TENM4: variants seen among roughly 807,000 people sequenced by gnomAD.
The protein encoded by TENM4 is teneurin-4.
TENM4 carries 82 observed loss-of-function variants against 243.3 expected under a neutral mutation model. The ratio of observed to expected loss-of-function variants is 0.34; its 90% CI spans 0.28 to 0.40. The LOEUF is 0.40. TENM4 is among the 10% of genes least tolerant of loss of function. The pLI is 1.00. For missense variants in TENM4, 3,138 were observed against 3,673.3 expected, an observed-to-expected ratio of 0.85 and a Z score of 3.77; for synonymous variants, 1,412 against 1,456.3, an observed-to-expected ratio of 0.97 and a Z score of 0.69.
At chr11:78,818,655 G>A (rs547573907) in intron 12 of TENM4, among the ~76,000 whole-genome samples, 2 of 152,324 alleles carry the variant, frequency 1.3e-5, no homozygotes, top group East Asian at 1.9e-4. Context: ...AGGTATCTCT[G>A]TGCTACATTC....
intron 1 of TENM4, among the ~76,000 whole-genome samples, chr11:79,378,204 T>A (rs1309438706): frequency 6.6e-6 from 1 of 152,250 alleles, no homozygotes; most frequent in Non-Finnish European, 1.5e-5. Flanking sequence ...ATAGGAAATC[T>A]TGTGCATGCC....
intron 15 of TENM4, among the ~76,000 whole-genome samples, chr11:78,799,014 C>T (rs1272965528): frequency 6.6e-6 from 1 of 152,108 alleles, no homozygotes; most frequent in Non-Finnish European, 1.5e-5. Context: ...GCCCAGCACA[C>T]AGGATAGGCC....
chr11:79,071,948 A>G (rs531602732), intron 4 of TENM4, among the ~76,000 whole-genome samples: 7 of 152,144 alleles, frequency 4.6e-5, no homozygotes, highest in African/African-American at 1.4e-4. Flanking sequence ...CGATTCTCAA[A>G]ATATCCCTGG....
intron 17 of TENM4, among the ~76,000 whole-genome samples, chr11:78,773,015 T>C (rs1390828139): frequency 6.6e-6 from 1 of 152,240 alleles, no homozygotes; most frequent in Non-Finnish European, 1.5e-5. Context: ...CAATCTGACT[T>C]GGTTGCCAAC....
At chr11:79,356,246 G>A (rs1432488114) in intron 1 of TENM4, among the ~76,000 whole-genome samples, 6 of 152,178 alleles carry the variant, frequency 3.9e-5, no homozygotes, top group Non-Finnish European at 1.5e-5. Flanking sequence ...GGTCAAGAGG[G>A]GAGCCCTGGA....
At chr11:79,300,598 C>T (rs1440856171) in intron 1 of TENM4, among the ~76,000 whole-genome samples, 1 of 152,202 alleles carries the variant, frequency 6.6e-6, no homozygotes, top group Non-Finnish European at 1.5e-5. Flanking sequence ...CTCTCACTCC[C>T]ATAAATATTA....
At chr11:79,359,867 C>T (rs1332994782) in intron 1 of TENM4, among the ~76,000 whole-genome samples, 5 of 152,076 alleles carry the variant, frequency 3.3e-5, no homozygotes, top group African/African-American at 9.7e-5. Flanking sequence ...CAGGGATGCT[C>T]AGGACCCGAA....
At chr11:78,900,862 T>C (rs1199878501) in intron 7 of TENM4, among the ~76,000 whole-genome samples, 1 of 152,210 alleles carries the variant, frequency 6.6e-6, no homozygotes. Flanking sequence ...CTTGTTAGTT[T>C]TGTGCCTTCA....
intron 6 of TENM4, among the ~76,000 whole-genome samples, chr11:78,953,635 T>A (rs1408913501): frequency 1.3e-5 from 2 of 152,176 alleles, no homozygotes; most frequent in Admixed American, 6.5e-5. Flanking sequence ...AAATACAATA[T>A]AACAACTATT....
chr11:79,359,230 C>T (rs183781346), intron 1 of TENM4, among the ~76,000 whole-genome samples: 4 of 152,306 alleles, frequency 2.6e-5, no homozygotes, highest in Admixed American at 1.3e-4. Context: ...TGCACCACTG[C>T]ACTCCAGCCT....
At chr11:78,981,970 T>C (rs1372758000) in intron 6 of TENM4, among the ~76,000 whole-genome samples, 2 of 152,172 alleles carry the variant, frequency 1.3e-5, no homozygotes, top group African/African-American at 4.8e-5. Context: ...GCCCCGTGTC[T>C]GTCCCCAGGT....
Position 78,669,876 on chromosome 11 carries a change from C to T in TENM4, c.6469G>A (p.Glu2157Lys). The T allele has an allele frequency of 6.2e-7, 1 of 1,613,820 alleles. No homozygotes were observed. Among genetic ancestry groups the T allele is most frequent in the Non-Finnish European group, 8.5e-7 (1 of 1,179,804 alleles). Residue 2157 changes from glutamate (E) to lysine (K), a missense_variant, in exon 32 of 34, where the codon GAG becomes AAG. Around this residue, in one of 2 missense-constraint regions of TENM4, gnomAD observed 2,467 missense variants for 3,059.1 expected, o/e 0.81. Coordinates refer to ENST00000278550, the MANE Select transcript of TENM4 (RefSeq NM_001098816.3). This position sits in a 1 kb window ranked among gnomAD's most constrained non-coding sequence, Gnocchi z 6.4. ...AYGRMKEVQY[E>K]IFRSLMYWMT... ...CAGTACATGAGCGAGCGGAAGATCTCATACTGCACTTCCTTCATCCTGCCA... is the reference window on the plus strand; with the variant it reads ...CAGTACATGAGCGAGCGGAAGATCTTATACTGCACTTCCTTCATCCTGCCA...
intron 1 of TENM4, among the ~76,000 whole-genome samples, chr11:79,366,743 T>C (rs986546312): frequency 6.6e-6 from 1 of 152,204 alleles, no homozygotes; most frequent in African/African-American, 2.4e-5. Context: ...ACTATATTCT[T>C]TCTTGTGTTT....
chr11:78,835,917 C>T (rs1247379826), intron 12 of TENM4, among the ~76,000 whole-genome samples: 2 of 152,202 alleles, frequency 1.3e-5, no homozygotes, highest in South Asian at 2.1e-4. Context: ...CACAGCCTGA[C>T]CAGAGTGCAA....
intron 15 of TENM4, 77 bp downstream of exon 15, chr11:78,805,215 A>C: frequency 3.2e-6 from 2 of 633,328 alleles, no homozygotes; most frequent in Non-Finnish European, 4.3e-6. Context: ...GTGATTGGGA[A>C]CAGTCACGTG....
At chr11:79,087,040 T>C (rs1860826711) in intron 4 of TENM4, among the ~76,000 whole-genome samples, 1 of 152,164 alleles carries the variant, frequency 6.6e-6, no homozygotes, top group Non-Finnish European at 1.5e-5. Flanking sequence ...AGTTGGGAAC[T>C]GTGTCTCTCT....
chr11:79,126,650 A>G (rs983949322), intron 4 of TENM4, among the ~76,000 whole-genome samples: 1 of 152,206 alleles, frequency 6.6e-6, no homozygotes, highest in African/African-American at 2.4e-5. Context: ...GAAAAATTCT[A>G]GGTCGAATGG....
chr11:79,221,359 C>T (rs1013456800), intron 2 of TENM4, among the ~76,000 whole-genome samples: 26 of 151,038 alleles, frequency 1.7e-4, no homozygotes, highest in African/African-American at 4.9e-4. Context: ...TTTTTTTAAG[C>T]CTTTCTAAGG....
At chr11:78,714,383 C>T (rs375018769) in intron 25 of TENM4, among the ~76,000 whole-genome samples, 5 of 152,116 alleles carry the variant, frequency 3.3e-5, no homozygotes, top group Admixed American at 1.3e-4. Flanking sequence ...CTGGCTACCT[C>T]GAAAGGGGCC....
Sources: allele counts gnomAD v4.1 joint callset (sites outside exome capture counted in the v4.1 genomes callset), GRCh38; gene constraint gnomAD v4.1.1; regional missense constraint gnomAD v4.1.1; non-coding constraint Gnocchi (gnomAD v3.1); transcripts MANE v1.5; gene names NCBI Gene and HGNC (gene_info 2026-07-23, HGNC 2026-07-21).